Variants in STK31 observed in about 807,000 individuals in gnomAD.
The protein encoded by STK31 is serine/threonine kinase 31, also known as serine/threonine-protein kinase 31.
In STK31, 89 loss-of-function variants were observed where a neutral mutation model predicts 129.7. The observed-to-expected ratio is 0.69, with a 90% CI of 0.58 to 0.82. STK31 has a LOEUF of 0.82. STK31 is among the 40% of genes least tolerant of loss of function. STK31 has a pLI of 0.00. For missense variants in STK31, 1,187 were observed against 1,176.4 expected, an observed-to-expected ratio of 1.01 and a Z score of -0.13; for synonymous variants, 448 against 395.3, an observed-to-expected ratio of 1.13 and a Z score of -1.58.
intron 23 of STK31, among the ~76,000 whole-genome samples, chr7:23,824,022 C>G (rs1010148142): frequency 6.6e-6 from 1 of 152,150 alleles, no homozygotes; most frequent in African/African-American, 2.4e-5. Flanking sequence ...AGTTTGAAGT[C>G]AGGTAGCGTG....
At chr7:23,762,372 G>C (rs1789529515) in intron 10 of STK31, among the ~76,000 whole-genome samples, 1 of 151,928 alleles carries the variant, frequency 6.6e-6, no homozygotes, top group Non-Finnish European at 1.5e-5. Flanking sequence ...AGAGTTCTTG[G>C]ATATCTTTCA....
chr7:23,752,784 C>A lies in STK31; in HGVS notation c.1085C>A (p.Thr362Asn). 2 of 1,612,696 alleles carry A rather than the reference C, an allele frequency of 1.2e-6. No individual in the cohort carries two copies. The highest frequency in any genetic ancestry group is 4.5e-5 in the East Asian group (2 of 44,776). The stretch of plus-strand genomic sequence containing the variant: ...TACACTCTGAAGACCTATATAGATA[C>A]CAGAATGAAAAATCTGGCAGCTAAG... The part of the protein sequence containing the change: ...LEYTLKTYID[T>N]RMKNLAAKME... The change falls in exon 9 of 24, where the codon ACC (threonine) becomes AAC (asparagine). Residue 362 changes from threonine (T) to asparagine (N), a missense_variant. This residue lies in a region of STK31 where 975 missense variants were observed against 934.9 expected (regional missense o/e 1.04). Coordinates refer to ENST00000355870, the MANE Select transcript of STK31 (RefSeq NM_031414.5).
chr7:23,716,347 C>A (rs1011425587), intron 3 of STK31, among the ~76,000 whole-genome samples: 5 of 152,148 alleles, frequency 3.3e-5, no homozygotes, highest in Non-Finnish European at 7.4e-5. Flanking sequence ...GATATACCTT[C>A]TTATTGATGA....
chr7:23,717,097 C>CCTTTTTTTTT (rs1786381897), intron 3 of STK31, among the ~76,000 whole-genome samples: 48 of 42,960 alleles, frequency 1.1e-3, no homozygotes, highest in Non-Finnish European at 1.8e-3. Context: ...TCGCAACCTG[C>CCTTTTTTTTT]TTTTTTTTTT....
In STK31 at chr7:23,790,819, T is replaced by A; in HGVS notation, c.2638-5T>A. 1 of 1,582,666 alleles carries A rather than the reference T, an allele frequency of 6.3e-7. No homozygotes were observed. The highest frequency in any genetic ancestry group is 1.4e-5 in the African/African-American group (1 of 73,696). The stretch of plus-strand genomic sequence containing the variant: ...TCTGAAATATGTAAAATATTGTTTT[T>A]GCAGAGTCAGCGAGCCTCGGTGAAC... On this transcript the variant is annotated splice_region_variant and splice_polypyrimidine_tract_variant and intron_variant, in intron 21 of 23. Coordinates refer to ENST00000355870, the MANE Select transcript of STK31 (RefSeq NM_031414.5).
At chr7:23,812,667 C>T (rs1411277135) in intron 22 of STK31, among the ~76,000 whole-genome samples, 2 of 151,864 alleles carry the variant, frequency 1.3e-5, no homozygotes, top group Non-Finnish European at 1.5e-5. Flanking sequence ...ACCCCTTTCC[C>T]ACCCTCCCAC....
chr7:23,749,755 T>C (rs1339317326), intron 8 of STK31, among the ~76,000 whole-genome samples: 1 of 152,126 alleles, frequency 6.6e-6, no homozygotes, highest in Non-Finnish European at 1.5e-5. Flanking sequence ...GGGAGTGATG[T>C]GTTGTATAGT....
chr7:23,739,512 C>T (rs1787927460), intron 8 of STK31, among the ~76,000 whole-genome samples: 1 of 152,090 alleles, frequency 6.6e-6, no homozygotes. Flanking sequence ...CTCTTGTTCC[C>T]ATTGCTTTTG....
At chr7:23,734,686 C>T (rs1276044406) in intron 6 of STK31, among the ~76,000 whole-genome samples, 1 of 152,110 alleles carries the variant, frequency 6.6e-6, no homozygotes, top group African/African-American at 2.4e-5. Flanking sequence ...TGTAGAAGGC[C>T]AGGCGAGGTG....
chr7:23,806,115 G>T (rs1234823091), intron 22 of STK31, among the ~76,000 whole-genome samples: 1 of 152,178 alleles, frequency 6.6e-6, no homozygotes, highest in Non-Finnish European at 1.5e-5. Flanking sequence ...AACAACTGAT[G>T]AAGGGAACCC....
chr7:23,747,519 G>A (rs78238937), intron 8 of STK31, among the ~76,000 whole-genome samples: 36,589 of 151,794 alleles, frequency 0.24, 4,881 homozygotes, highest in East Asian at 0.39. Context: ...ACAGGCGCCC[G>A]CCACCATGCC....
chr7:23,737,152 C>A, intron 8 of STK31, 74 bp downstream of exon 8: 1 of 1,306,166 alleles, frequency 7.7e-7, no homozygotes, highest in Non-Finnish European at 1.0e-6. Context: ...ATTTATTTTT[C>A]TGTCACTTTC....
intron 23 of STK31, among the ~76,000 whole-genome samples, chr7:23,824,072 GCA>G (rs1445022191): frequency 1.3e-5 from 2 of 152,162 alleles, no homozygotes; most frequent in African/African-American, 4.8e-5. Context: ...GATTGACTTG[GCA>G]ATGCGGGCTC....
chr7:23,725,578 A>G (rs1787012556), intron 4 of STK31, among the ~76,000 whole-genome samples: 2 of 151,998 alleles, frequency 1.3e-5, no homozygotes, highest in Admixed American at 6.6e-5. Context: ...TGATTTTTGT[A>G]TCCTTCCCAA....
At chr7:23,809,131 C>T (rs1042129472) in intron 22 of STK31, among the ~76,000 whole-genome samples, 1 of 151,592 alleles carries the variant, frequency 6.6e-6, no homozygotes, top group African/African-American at 2.4e-5. Flanking sequence ...TAGGGTTTTC[C>T]TGTGTTGTAT....
At chr7:23,815,413 C>G (rs1793410623) in intron 23 of STK31, among the ~76,000 whole-genome samples, 1 of 152,110 alleles carries the variant, frequency 6.6e-6, no homozygotes, top group African/African-American at 2.4e-5. Flanking sequence ...TTGTTTGTCA[C>G]ACAGATTATA....
At chr7:23,765,231 T>A (rs1213717415) in intron 11 of STK31, among the ~76,000 whole-genome samples, 2 of 151,928 alleles carry the variant, frequency 1.3e-5, no homozygotes, top group Non-Finnish European at 2.9e-5. Context: ...ATTTTTTGTA[T>A]TTTAGTAGAG....
Position 23,712,152 on chromosome 7 carries a change from A to C in STK31, c.97+7A>C. 6.2e-7 allele frequency: 1 copy of C among 1,613,502 alleles called. No individual in the cohort carries two copies. ...GATACACATTACGATAAAGGTACTG[A>C]CACTAAAAATTATTTTGGGGTGTAA... On this transcript the variant is annotated splice_region_variant and intron_variant, in intron 2 of 23. Transcript: ENST00000355870.
chr7:23,756,477 AC>A, intron 10 of STK31, among the ~76,000 whole-genome samples: 1 of 152,184 alleles, frequency 6.6e-6, no homozygotes, highest in South Asian at 2.1e-4. Context: ...CTATTTGAAT[AC>A]CCTTTATTTC....
Sources: gnomAD v4.1 joint callset for allele counts (sites outside exome capture counted in the v4.1 genomes callset) on GRCh38, gnomAD v4.1.1 for gene constraint, gnomAD v4.1.1 regional missense constraint, MANE v1.5 for transcripts, NCBI Gene and HGNC (gene_info 2026-07-23, HGNC 2026-07-21) for gene names.